PPP2R2D: variants seen among roughly 807,000 people sequenced by gnomAD.
The protein encoded by PPP2R2D is protein phosphatase 2 regulatory subunit Bdelta, also known as serine/threonine-protein phosphatase 2A 55 kDa regulatory subunit B delta isoform.
A neutral mutation model predicts 31.1 loss-of-function variants in PPP2R2D; 9 were observed. The ratio of observed to expected loss-of-function variants is 0.29; its 90% CI spans 0.17 to 0.51. The LOEUF (loss-of-function observed/expected upper bound fraction) is 0.51. Among genes scored for constraint, PPP2R2D ranks in the 20% least tolerant of loss-of-function variants. The probability of loss-of-function intolerance (pLI) is 0.98; values close to 1 mark genes in which losing one functional copy is unlikely to be tolerated. For missense variants in PPP2R2D, 391 were observed against 465.6 expected (o/e 0.84, Z 1.48); for synonymous variants, 179 against 172.6 (o/e 1.04, Z -0.29).
At position 131,910,957 on chromosome 10, in the gene PPP2R2D, G is replaced by A. The variant is rs1025064047; in HGVS notation, c.100+9627G>A. Among the ~76,000 whole-genome samples the A allele has an allele frequency of 6.8e-3, 1,036 of 152,284 alleles. 12 individuals are homozygous for A. Among genetic ancestry groups the A allele is most frequent in the African/African-American group, 0.024 (1,000 of 41,570 alleles). ...GGGGGCCCACCCAGAGAGGACACGG[G>A]AGCTCTGTGTCTCAGCCCCCGTCCC... On this transcript the variant is annotated intron_variant, in intron 2 of 8. Coordinates refer to ENST00000455566, the MANE Select transcript of PPP2R2D (RefSeq NM_018461.5).
Position 131,956,739 on chromosome 10 carries a change from A to G in PPP2R2D, c.*776A>G. ...AGTAGCCCATCAGATACACCAGGTA[A>G]GGTCTGGGAAAAGCCAGAACCGAGG... On this transcript the variant is annotated 3_prime_UTR_variant, in exon 9 of 9. Coordinates refer to ENST00000455566, the MANE Select transcript of PPP2R2D (RefSeq NM_018461.5). 3.6e-6 allele frequency: 1 copy of G among 279,318 alleles called. No individual in the cohort carries two copies. The highest frequency in any genetic ancestry group is 5.4e-6 in the Non-Finnish European group (1 of 184,388). 17.3% of individuals were successfully genotyped at this position (279,318 alleles called of 1,614,324 possible).
At position 131,940,776 on chromosome 10, in the gene PPP2R2D, C is replaced by T. The variant is rs201806612; in HGVS notation, c.477+82C>T. On this transcript the variant is annotated intron_variant, in intron 5 of 8. Transcript: ENST00000455566. ...AGTCTGCTGTCTGGAGAGTGCTGCGCGGTGGAGTACTGTGAGGTCTGCTGT... is the reference window on the plus strand; with the variant it reads ...AGTCTGCTGTCTGGAGAGTGCTGCGTGGTGGAGTACTGTGAGGTCTGCTGT... The T allele has an allele frequency of 8.2e-4, 559 of 681,392 alleles. 6 individuals carry two copies. In the African/African-American group the frequency reaches 9.0e-3, roughly 11 times the overall value. The allele number at this position is 681,392 out of a possible 1,614,324, so 42.2% of individuals were successfully genotyped here.
chr10:131,952,418 CG>C (rs1191562116), intron 8 of PPP2R2D, among the ~76,000 whole-genome samples: 3 of 25,246 alleles, frequency 1.2e-4, no homozygotes, highest in Non-Finnish European at 2.2e-4. Flanking sequence ...TGCGGGTGTG[CG>C]GGGGTTCACT....
At chr10:131,966,020 T>C in the PPP2R2D span, among the ~76,000 whole-genome samples, 2 of 152,220 alleles carry the variant, frequency 1.3e-5, no homozygotes, top group African/African-American at 4.8e-5. Context: ...ACTGCGTATT[T>C]AGTTATATCC....
downstream of PPP2R2D, among the ~76,000 whole-genome samples, chr10:131,963,678 C>A (rs957571687): frequency 1.3e-5 from 2 of 152,384 alleles, no homozygotes; most frequent in South Asian, 2.1e-4. Context: ...AACAAGCCCC[C>A]AGGCAGCGCG....
intron 3 of PPP2R2D, among the ~76,000 whole-genome samples, chr10:131,936,733 AGTT>A (rs1474999500): frequency 6.6e-6 from 1 of 152,204 alleles, no homozygotes; most frequent in Non-Finnish European, 1.5e-5. Context: ...TTTAAGATGA[AGTT>A]GTTATGTGAG....
downstream of PPP2R2D, among the ~76,000 whole-genome samples, chr10:131,964,316 T>C (rs61864755): frequency 2.7e-3 from 404 of 152,294 alleles, 1 homozygote; most frequent in Non-Finnish European, 5.0e-3. Flanking sequence ...ATTTGCCTAA[T>C]GGTGACTTTG....
chr10:131,931,136 A>G (rs577348933), intron 2 of PPP2R2D, among the ~76,000 whole-genome samples: 1 of 152,148 alleles, frequency 6.6e-6, no homozygotes, highest in South Asian at 2.1e-4. Flanking sequence ...CCCCTCCATC[A>G]GGCGGGGATG....
At chr10:131,931,927 G>T (rs1230656805) in intron 2 of PPP2R2D, among the ~76,000 whole-genome samples, 2 of 152,156 alleles carry the variant, frequency 1.3e-5, no homozygotes, top group Non-Finnish European at 2.9e-5. Flanking sequence ...GTGAATGGGG[G>T]GCGACCTGGG....
the PPP2R2D span, among the ~76,000 whole-genome samples, chr10:131,965,944 TC>T: frequency 1.3e-5 from 2 of 152,236 alleles, no homozygotes; most frequent in African/African-American, 2.4e-5. Context: ...TGTCGTTCTC[TC>T]GAGTCTCTAT....
intron 2 of PPP2R2D, among the ~76,000 whole-genome samples, chr10:131,929,494 G>C (rs1054508534): frequency 2.0e-5 from 3 of 152,172 alleles, no homozygotes; most frequent in Non-Finnish European, 4.4e-5. Flanking sequence ...CTGGGAGGCA[G>C]GCCTGCATTT....
At chr10:131,914,612 A>G (rs1351337357) in intron 2 of PPP2R2D, among the ~76,000 whole-genome samples, 1 of 152,168 alleles carries the variant, frequency 6.6e-6, no homozygotes, top group Non-Finnish European at 1.5e-5. Context: ...AGGCGGTTAC[A>G]TGTGTTAGAA....
At position 131,947,785 on chromosome 10, in the gene PPP2R2D, C is replaced by T. The variant is rs142846802; in HGVS notation, c.1076C>T (p.Ser359Leu). Residue 359 changes from serine to leucine, a missense_variant, in exon 8 of 9, where the codon TCG (serine) becomes TTG (leucine). By Grantham distance (145) the Ser-to-Leu change is moderately radical. Coordinates refer to ENST00000455566, the MANE Select transcript of PPP2R2D (RefSeq NM_018461.5). The surrounding 1 kb of genome is among the most constrained non-coding windows in gnomAD (Gnocchi z 4.3). ...AAGTTTGAGTGTTGCTGGAACGGTT[C>T]GGATAGGTAAGGCCTGCGTGGAGAT... ...FDKFECCWNG[S>L]DSAIMTGSYN... is the part of the protein sequence containing the mutation. 29 of 1,613,212 alleles carry T rather than the reference C, an allele frequency of 1.8e-5. No homozygotes were observed. Among genetic ancestry groups the T allele is most frequent in the East Asian group, 1.3e-4 (6 of 44,862 alleles).
chr10:131,938,815 G>C (rs1291380899), intron 3 of PPP2R2D, among the ~76,000 whole-genome samples: 4 of 152,220 alleles, frequency 2.6e-5, no homozygotes, highest in Non-Finnish European at 2.9e-5. Flanking sequence ...GTTGGCATAT[G>C]TGTGGCGTCT....
chr10:131,971,284 G>C, the PPP2R2D span: 1 of 369,446 alleles, frequency 2.7e-6, no homozygotes, highest in Non-Finnish European at 5.1e-6. Context: ...CTGTCCTAGG[G>C]AAGTCACGTG....
chr10:131,902,008 A>G (rs1476378512), intron 2 of PPP2R2D, among the ~76,000 whole-genome samples: 9 of 152,190 alleles, frequency 5.9e-5, no homozygotes, highest in Admixed American at 5.2e-4. Context: ...TCCTTAAATC[A>G]TACTCTCAAA....
Position 131,956,161 on chromosome 10 carries a change from C to T in PPP2R2D, c.*198C>T. On this transcript the variant is annotated 3_prime_UTR_variant, in exon 9 of 9. Coordinates refer to ENST00000455566, the MANE Select transcript of PPP2R2D (RefSeq NM_018461.5). ...GCGAGGCGCGAGACAGGCGCTGCTGCTCACGTGGAGACGCTCTCGAAGCAG... is the reference window on the plus strand; with the variant it reads ...GCGAGGCGCGAGACAGGCGCTGCTGTTCACGTGGAGACGCTCTCGAAGCAG... The T allele has an allele frequency of 1.6e-6, 2 of 1,239,842 alleles. No individual in the cohort carries two copies. The highest frequency in any genetic ancestry group is 1.0e-6 in the Non-Finnish European group (1 of 993,064). The allele number at this position is 1,239,842 out of a possible 1,614,324, so 76.8% of individuals were successfully genotyped here. A position where few individuals can be genotyped will look rare whatever the true frequency, so the allele number is the denominator to read the frequency against.
chr10:131,932,214 C>T (rs577950112), intron 2 of PPP2R2D, among the ~76,000 whole-genome samples: 130 of 152,144 alleles, frequency 8.5e-4, no homozygotes, highest in African/African-American at 3.0e-3. Context: ...AGCAGTGCCA[C>T]GGCAGGTGGA....
At chr10:131,916,632 G>T (rs1030452074) in intron 2 of PPP2R2D, among the ~76,000 whole-genome samples, 1 of 150,848 alleles carries the variant, frequency 6.6e-6, no homozygotes, top group African/African-American at 2.4e-5. Context: ...ATGACACAGC[G>T]TTTGTAGGGA....
Sources: gnomAD v4.1 joint callset for allele counts (sites outside exome capture counted in the v4.1 genomes callset) on GRCh38, gnomAD v4.1.1 for gene constraint, Gnocchi (gnomAD v3.1) non-coding constraint, MANE v1.5 for transcripts, NCBI Gene and HGNC (gene_info 2026-07-23, HGNC 2026-07-21) for gene names.